The following AAK1 variants were observed in gnomAD, a reference collection of about 807,000 sequenced individuals.
AAK1 encodes the protein AP2 associated kinase 1.
In AAK1, 37 loss-of-function variants were observed where a neutral mutation model predicts 116.0. The observed-to-expected ratio is 0.32, with a 90% CI of 0.25 to 0.42. The LOEUF (loss-of-function observed/expected upper bound fraction) is 0.42, where lower values mean the gene tolerates loss of function less well. Ranked by LOEUF, AAK1 falls within the 10% of genes least tolerant of loss-of-function variation. The probability of loss-of-function intolerance (pLI) is 1.00; values close to 1 mark genes in which losing one functional copy is unlikely to be tolerated. For missense variants in AAK1, 919 were observed against 1,170.6 expected, an observed-to-expected ratio of 0.79 and a Z score of 3.14; for synonymous variants, 458 against 439.9, an observed-to-expected ratio of 1.04 and a Z score of -0.51.
intron 2 of AAK1, among the ~76,000 whole-genome samples, chr2:69,585,535 C>T (rs1470596286): frequency 6.6e-6 from 1 of 152,182 alleles, no homozygotes; most frequent in Admixed American, 6.5e-5. Context: ...TGGTGCCTGT[C>T]ATCACTGCAA....
chr2:69,585,250 T>TG (rs1314013562), intron 2 of AAK1, among the ~76,000 whole-genome samples: 3 of 152,186 alleles, frequency 2.0e-5, no homozygotes, highest in Non-Finnish European at 4.4e-5. Context: ...TTTGTAGAGA[T>TG]GGGGTCTCAC....
At chr2:69,545,022 A>G (rs1196606551) in intron 3 of AAK1, among the ~76,000 whole-genome samples, 1 of 151,952 alleles carries the variant, frequency 6.6e-6, no homozygotes, top group East Asian at 1.9e-4. Flanking sequence ...CTTTTGGGAA[A>G]TCTACCAAAA....
intron 2 of AAK1, among the ~76,000 whole-genome samples, chr2:69,583,681 C>T (rs564038358): frequency 2.6e-4 from 40 of 152,312 alleles, no homozygotes; most frequent in Middle Eastern, 3.4e-3. Flanking sequence ...CAAAGACTCA[C>T]TCTCTTCACC....
chr2:69,478,640 G>C (rs1218628491), intron 20 of AAK1: 1 of 262,588 alleles, frequency 3.8e-6, no homozygotes, highest in East Asian at 1.3e-4. Context: ...TTTTTGTAGA[G>C]ACTGAGACTC....
rs116107973 is a variant in AAK1 at position 69,522,995 on chromosome 2, G to C, written c.1056-2007C>G. On this transcript the variant is annotated intron_variant, in intron 10 of 21. Transcript: ENST00000409085. ...TCACTAAGTAACTGTGTGATAATGGGTATGTCACTCACCCTCTTTCAGCTT... is the reference window on the plus strand; with the variant it reads ...TCACTAAGTAACTGTGTGATAATGGCTATGTCACTCACCCTCTTTCAGCTT... 4.6e-3 allele frequency among the ~76,000 whole-genome samples: 703 copies of C among 152,254 alleles called. 6 individuals are homozygous for C. Among genetic ancestry groups the C allele is most frequent in the African/African-American group, 0.016 (666 of 41,554 alleles).
chr2:69,642,897 C>T lies in AAK1; in HGVS notation c.144G>A (p.Val48=), dbSNP rs751769097. The change falls in exon 2 of 22, where the codon GTG becomes GTA. Residue 48 remains valine, a synonymous_variant. Transcript: ENST00000409085. ...CCGTACCTTCCGCCAACACCTCGTC[C>T]ACTGTGACCTGCTGTCGCCCGATGC... is the stretch of plus-strand genomic sequence containing the variant. ...VFGIGRQQVT[V]DEVLAEGGFA... The T allele has an allele frequency of 1.4e-5, 22 of 1,613,790 alleles. No individual in the cohort carries two copies. Among genetic ancestry groups the T allele is most frequent in the Middle Eastern group, 1.6e-4 (1 of 6,082 alleles).
At position 69,618,815 on chromosome 2, in the gene AAK1, G is replaced by A. The variant is rs138243727; in HGVS notation, c.163+24063C>T. On this transcript the variant is annotated intron_variant, in intron 2 of 21. Coordinates refer to ENST00000409085, the MANE Select transcript of AAK1 (RefSeq NM_014911.5). ...TCCTCTCAATGACCTACACATCCATGGCCACCCTCTAGACCTTGTCAACAC... is the reference window on the plus strand; with the variant it reads ...TCCTCTCAATGACCTACACATCCATAGCCACCCTCTAGACCTTGTCAACAC... Among the ~76,000 whole-genome samples the A allele has an allele frequency of 1.5e-3, 225 of 152,122 alleles. 1 individual carries two copies. Among genetic ancestry groups the A allele is most frequent in the African/African-American group, 4.8e-3 (201 of 41,464 alleles).
chr2:69,542,718 A>G (rs1157255495), intron 4 of AAK1, 53 bp from the exon 5 acceptor site: 1 of 1,593,072 alleles, frequency 6.3e-7, no homozygotes, highest in African/African-American at 1.3e-5. Flanking sequence ...CGGACTTGTC[A>G]TTTAGTCTAA....
In AAK1 at chr2:69,463,871, A is replaced by G. The variant is rs1674405652; in HGVS notation, c.*11998T>C. 1 of 151,890 alleles carries G rather than the reference A, an allele frequency of 6.6e-6. No homozygotes were observed. The highest frequency in any genetic ancestry group is 6.6e-5 in the Admixed American group (1 of 15,210). 9.4% of individuals were successfully genotyped at this position (151,890 alleles called of 1,614,324 possible). ...CGCTGTGTTGCCAGAGTTGGTCTTGAACTTCCTGGGCTCAACTGATCCTCC... is the reference window on the plus strand; with the variant it reads ...CGCTGTGTTGCCAGAGTTGGTCTTGGACTTCCTGGGCTCAACTGATCCTCC... On this transcript the variant is annotated 3_prime_UTR_variant, in exon 22 of 22. Coordinates refer to ENST00000409085, the MANE Select transcript of AAK1 (RefSeq NM_014911.5).
intron 2 of AAK1, among the ~76,000 whole-genome samples, chr2:69,569,169 A>G (rs1010917326): frequency 6.6e-6 from 1 of 152,214 alleles, no homozygotes; most frequent in African/African-American, 2.4e-5. Context: ...GAGCCAGAGG[A>G]AAGTCCAAAT....
chr2:69,503,804 A>C (rs1676067450), intron 16 of AAK1, among the ~76,000 whole-genome samples: 1 of 152,116 alleles, frequency 6.6e-6, no homozygotes, highest in South Asian at 2.1e-4. Context: ...TACAGGTGTA[A>C]GCCACCGCAC....
At chr2:69,640,104 T>C (rs1573036213) in intron 2 of AAK1, among the ~76,000 whole-genome samples, 1 of 149,602 alleles carries the variant, frequency 6.7e-6, no homozygotes, top group Non-Finnish European at 1.5e-5. Context: ...ATACATATGA[T>C]GTATAACGTT....
At chr2:69,614,623 G>T (rs913169950) in intron 2 of AAK1, among the ~76,000 whole-genome samples, 21 of 152,150 alleles carry the variant, frequency 1.4e-4, no homozygotes, top group Non-Finnish European at 2.9e-4. Context: ...TTGAATAATG[G>T]TTCCCCCAAA....
intron 2 of AAK1, among the ~76,000 whole-genome samples, chr2:69,596,684 G>C (rs1185671848): frequency 1.3e-5 from 2 of 152,246 alleles, no homozygotes; most frequent in Non-Finnish European, 2.9e-5. Flanking sequence ...CTTTTCTGGA[G>C]CATGGCAGGA....
intron 2 of AAK1, among the ~76,000 whole-genome samples, chr2:69,569,383 T>C (rs1322163333): frequency 6.6e-6 from 1 of 152,194 alleles, no homozygotes; most frequent in Non-Finnish European, 1.5e-5. Flanking sequence ...CTCATCTCAT[T>C]TTTGATGCAT....
intron 5 of AAK1, among the ~76,000 whole-genome samples, chr2:69,540,719 G>GCTA (rs1451509410): frequency 6.6e-6 from 1 of 152,178 alleles, no homozygotes; most frequent in African/African-American, 2.4e-5. Flanking sequence ...TAAACACAGA[G>GCTA]CTACTATATG....
chr2:69,581,243 A>C (rs1672530044), intron 2 of AAK1, among the ~76,000 whole-genome samples: 1 of 152,050 alleles, frequency 6.6e-6, no homozygotes, highest in Non-Finnish European at 1.5e-5. Flanking sequence ...CCTCCTGAGT[A>C]GCTGGGATTA....
In AAK1 at chr2:69,466,334, G is replaced by A. The variant is rs1330931357; in HGVS notation, c.*9535C>T. On this transcript the variant is annotated 3_prime_UTR_variant, in exon 22 of 22. Transcript: ENST00000409085. ...GCCGAGACCCACTGCAGTCCAGCAT[G>A]TCTCCTTCAAGGTCAGTCCCTTCCT... The A allele has an allele frequency of 3.9e-5, 50 of 1,289,830 alleles. No individual in the cohort carries two copies. Among genetic ancestry groups the A allele is most frequent in the Non-Finnish European group, 4.7e-5 (46 of 988,874 alleles). The allele number at this position is 1,289,830 out of a possible 1,614,324, so 79.9% of individuals were successfully genotyped here.
chr2:69,603,232 C>A (rs55758233), intron 2 of AAK1, among the ~76,000 whole-genome samples: 1,990 of 152,182 alleles, frequency 0.013, 40 homozygotes, highest in African/African-American at 0.044. Context: ...TAAAAGTAAT[C>A]ATGATTATTG....
Sources: allele counts gnomAD v4.1 joint callset (sites outside exome capture counted in the v4.1 genomes callset), GRCh38; gene constraint gnomAD v4.1.1; transcripts MANE v1.5; gene names NCBI Gene and HGNC (gene_info 2026-07-23, HGNC 2026-07-21).